Variants in FBXW11 observed in about 807,000 individuals in gnomAD.
FBXW11 encodes the protein F-box/WD repeat-containing protein 11.
Under a neutral mutation model 77.6 loss-of-function variants are expected in FBXW11, and 19 were observed. That is an observed-to-expected ratio of 0.24 (90% CI 0.17 to 0.36). The LOEUF is 0.36. FBXW11 is among the 10% of genes least tolerant of loss of function. The pLI, the probability that FBXW11 is intolerant of heterozygous loss-of-function variation, is 1.00. For synonymous variants in FBXW11, 235 were observed against 249.4 expected (o/e 0.94, Z 0.54); for missense variants, 334 against 704.2 (o/e 0.47, Z 5.95).
At chr5:171,973,390 C>G (rs1320466637) in intron 1 of FBXW11, among the ~76,000 whole-genome samples, 1 of 152,142 alleles carries the variant, frequency 6.6e-6, no homozygotes, top group African/African-American at 2.4e-5. Context: ...AATCTGTGAC[C>G]TAAGTCTGGA....
At chr5:171,878,553 A>AGAGTGAGTGTGTGT (rs879378029) in intron 7 of FBXW11, among the ~76,000 whole-genome samples, 1 of 105,394 alleles carries the variant, frequency 9.5e-6, no homozygotes, top group African/African-American at 3.6e-5. Flanking sequence ...TCTCCATAAG[A>AGAGTGAGTGTGTGT]GTGTGTGAGT....
chr5:171,952,623 T>C (rs1443406931), intron 2 of FBXW11, among the ~76,000 whole-genome samples: 1 of 149,260 alleles, frequency 6.7e-6, no homozygotes, highest in Non-Finnish European at 1.5e-5. Context: ...CAGCTACTTT[T>C]TGTATTTTTA....
intron 2 of FBXW11, among the ~76,000 whole-genome samples, chr5:171,920,658 C>T (rs1323960101): frequency 6.6e-6 from 1 of 152,010 alleles, no homozygotes; most frequent in Admixed American, 6.6e-5. Context: ...AAGATCATGC[C>T]AATGCACTCC....
chr5:171,930,322 C>T (rs1170670364), intron 2 of FBXW11, among the ~76,000 whole-genome samples: 4 of 152,190 alleles, frequency 2.6e-5, no homozygotes, highest in Admixed American at 1.3e-4. Context: ...TAACATCATA[C>T]GTATTAGTGA....
chr5:171,895,293 A>G (rs1759670449), intron 6 of FBXW11, among the ~76,000 whole-genome samples: 1 of 152,236 alleles, frequency 6.6e-6, no homozygotes, highest in Non-Finnish European at 1.5e-5. Context: ...ATACAGCGGC[A>G]TTTAAATTGG....
Position 171,914,374 on chromosome 5 carries a change from T to A in FBXW11, c.179A>T (p.Asp60Val). The change falls in exon 3 of 14, where the codon GAT becomes GTT. Residue 60 changes from aspartate to valine, a missense_variant. Coordinates refer to ENST00000517395, the MANE Select transcript of FBXW11 (RefSeq NM_001378974.1). ...NTSVMEDQNE[D>V]ESPKKNTLWQ... ...AAGAGTATTTTTCTTTGGGGACTCATCTTCATTTTGATCTTCCATAACTGA... is the reference window on the plus strand; with the variant it reads ...AAGAGTATTTTTCTTTGGGGACTCAACTTCATTTTGATCTTCCATAACTGA... The A allele has an allele frequency of 6.2e-7, 1 of 1,606,392 alleles. No homozygotes were observed. Among genetic ancestry groups the A allele is most frequent in the Non-Finnish European group, 8.5e-7 (1 of 1,177,096 alleles).
At chr5:171,878,592 A>AG (rs1561640297) in intron 7 of FBXW11, among the ~76,000 whole-genome samples, 12,450 of 132,748 alleles carry the variant, frequency 0.094, 712 homozygotes, top group Middle Eastern at 0.15. Context: ...GTGTGTGTGT[A>AG]AGAGAGAGAG....
At chr5:171,952,188 T>C (rs1763354468) in intron 2 of FBXW11, among the ~76,000 whole-genome samples, 1 of 151,436 alleles carries the variant, frequency 6.6e-6, no homozygotes, top group African/African-American at 2.4e-5. Context: ...AGAATAACAC[T>C]GCACAATTTG....
intron 9 of FBXW11, among the ~76,000 whole-genome samples, chr5:171,873,476 C>G (rs1757882964): frequency 6.6e-6 from 1 of 152,116 alleles, no homozygotes; most frequent in Admixed American, 6.6e-5. Flanking sequence ...GAAACCCCAT[C>G]TCTACAAAAA....
At position 171,863,494 on chromosome 5, in the gene FBXW11, T is replaced by A. The variant is rs1281719535; in HGVS notation, c.*633A>T. The stretch of plus-strand genomic sequence containing the variant: ...CTATATTACCTGTTGGTAGATAATA[T>A]AACTGACTTATAGTTCTTTAAATTA... On this transcript the variant is annotated 3_prime_UTR_variant, in exon 14 of 14. Transcript: ENST00000517395. The A allele has an allele frequency of 6.6e-6, 1 of 152,578 alleles. No individual in the cohort carries two copies. The highest frequency in any genetic ancestry group is 1.9e-4 in the East Asian group (1 of 5,208). 9.5% of individuals were successfully genotyped at this position (152,578 alleles called of 1,614,324 possible). A position where few individuals can be genotyped will look rare whatever the true frequency, so the allele number is the denominator to read the frequency against.
intron 1 of FBXW11, among the ~76,000 whole-genome samples, chr5:171,987,786 T>G (rs1019868974): frequency 6.6e-6 from 1 of 152,044 alleles, no homozygotes; most frequent in Non-Finnish European, 1.5e-5. Flanking sequence ...CTTATGAAAT[T>G]TCCTTCCTTT....
chr5:171,970,479 G>C (rs1764461951), intron 1 of FBXW11, among the ~76,000 whole-genome samples: 1 of 152,134 alleles, frequency 6.6e-6, no homozygotes, highest in East Asian at 1.9e-4. Context: ...AGCTCTTTAT[G>C]CAGTATGAGA....
chr5:171,928,386 G>A (rs1459550127), intron 2 of FBXW11, among the ~76,000 whole-genome samples: 2 of 152,152 alleles, frequency 1.3e-5, no homozygotes, highest in African/African-American at 4.8e-5. Context: ...TGCGTAAGTA[G>A]CAAAATCAAC....
At position 171,874,497 on chromosome 5, in the gene FBXW11, G is replaced by A. The variant is rs114985086; in HGVS notation, c.1222-1507C>T. ...GGTGTGACTGTGGGAGTAAGTTGCC[G>A]CATATAAATCCTAGTTGTTTAGCTT... On this transcript the variant is annotated intron_variant, in intron 9 of 13. Coordinates refer to ENST00000517395, the MANE Select transcript of FBXW11 (RefSeq NM_001378974.1). Among the ~76,000 whole-genome samples the A allele has an allele frequency of 3.3e-3, 507 of 152,180 alleles. 3 individuals carry two copies. The highest frequency in any genetic ancestry group is 0.011 in the African/African-American group (461 of 41,482).
In FBXW11 at chr5:171,998,380, G is replaced by T. The variant is rs377383492; in HGVS notation, c.45+8078C>A. 1.3e-4 allele frequency among the ~76,000 whole-genome samples: 17 copies of T among 128,456 alleles called. No individual in the cohort carries two copies. In the South Asian group the frequency reaches 1.8e-3, roughly 13 times the overall value. 84.3% of individuals were successfully genotyped at this position (128,456 alleles called of 152,430 possible). A position where few individuals can be genotyped will look rare whatever the true frequency, so the allele number is the denominator to read the frequency against. Reference sequence around the variant, plus strand: ...AGTAGAGACAGGGTTTCACCATGTTGCCCAGGCTGGCCTCGAACTCCTAAG... The same window carrying T: ...AGTAGAGACAGGGTTTCACCATGTTTCCCAGGCTGGCCTCGAACTCCTAAG... On this transcript the variant is annotated intron_variant, in intron 1 of 13. Coordinates refer to ENST00000517395, the MANE Select transcript of FBXW11 (RefSeq NM_001378974.1).
At chr5:171,882,337 G>A (rs537007076) in intron 7 of FBXW11, among the ~76,000 whole-genome samples, 10 of 152,216 alleles carry the variant, frequency 6.6e-5, no homozygotes, top group South Asian at 2.1e-4. Context: ...GTCTCACACC[G>A]TCACTCAGGC....
rs1254488165 is a variant in FBXW11 at position 171,869,178 on chromosome 5, G to C, written c.1531-382C>G. Among the ~76,000 whole-genome samples the C allele has an allele frequency of 6.6e-6, 1 of 152,172 alleles. No homozygotes were observed. The highest frequency in any genetic ancestry group is 1.5e-5 in the Non-Finnish European group (1 of 68,022). On this transcript the variant is annotated intron_variant, in intron 12 of 13. Coordinates refer to ENST00000517395, the MANE Select transcript of FBXW11 (RefSeq NM_001378974.1). The surrounding 1 kb of genome is among the most constrained non-coding windows in gnomAD (Gnocchi z 4.1). ...CAGGATCTACCTCAAATTGCTGCCA[G>C]CATCAAAATTCATGGTGAAATAATA...
At chr5:171,978,210 G>A (rs896151243) in intron 1 of FBXW11, among the ~76,000 whole-genome samples, 1 of 152,172 alleles carries the variant, frequency 6.6e-6, no homozygotes, top group African/African-American at 2.4e-5. Context: ...CAGAAAGCGA[G>A]GGTGAAAAAG....
rs933131696 is a variant in FBXW11, at chr5:171,974,864, G to A, written c.46-17166C>T. On this transcript the variant is annotated intron_variant, in intron 1 of 13. Transcript: ENST00000517395. ...GGCTGGAGTGCAACGGCACTTTCTC[G>A]GCTCACTGCAACCTCAACCTCCCAG... Among the ~76,000 whole-genome samples, 5 of 152,094 alleles carry A rather than the reference G, an allele frequency of 3.3e-5. No individual in the cohort carries two copies. In the South Asian group the frequency reaches 8.3e-4, roughly 25 times the overall value.
Sources: allele counts gnomAD v4.1 joint callset (sites outside exome capture counted in the v4.1 genomes callset), GRCh38; gene constraint gnomAD v4.1.1; non-coding constraint Gnocchi (gnomAD v3.1); transcripts MANE v1.5; gene names NCBI Gene and HGNC (gene_info 2026-07-23, HGNC 2026-07-21).